AK4: variants seen among roughly 807,000 people sequenced by gnomAD.
The protein encoded by AK4 is adenylate kinase 4.
Under a neutral mutation model 24.6 loss-of-function variants are expected in AK4, and 13 were observed. The observed-to-expected ratio is 0.53, with a 90% CI of 0.34 to 0.84. The LOEUF is 0.84. Among genes scored for constraint, AK4 ranks in the 40% least tolerant of loss-of-function variants. The pLI, the probability that AK4 is intolerant of heterozygous loss-of-function variation, is 0.01. For synonymous variants in AK4, 88 were observed against 107.0 expected (o/e 0.82, Z 1.10); for missense variants, 192 against 288.2 (o/e 0.67, Z 2.42).
At chr1:65,151,916 A>G (rs1217716520) in intron 1 of AK4, among the ~76,000 whole-genome samples, 1 of 152,148 alleles carries the variant, frequency 6.6e-6, no homozygotes, top group African/African-American at 2.4e-5. Context: ...TCTTTAGCAC[A>G]CTGCAAGAGT....
At chr1:65,154,507 C>T in intron 1 of AK4, 1 of 526,184 alleles carries the variant, frequency 1.9e-6, no homozygotes, top group Non-Finnish European at 3.8e-6. Context: ...GTACTGGAGC[C>T]ACTGCTGAAA....
chr1:65,182,486 T>C (rs567615133), intron 1 of AK4, among the ~76,000 whole-genome samples: 1 of 152,164 alleles, frequency 6.6e-6, no homozygotes, highest in East Asian at 1.9e-4. Flanking sequence ...TGGCCCCACC[T>C]GCGTTACTTA....
chr1:65,188,420 G>A (rs1409116207), intron 1 of AK4, among the ~76,000 whole-genome samples: 1 of 151,826 alleles, frequency 6.6e-6, no homozygotes, highest in Non-Finnish European at 1.5e-5. Context: ...AAGAAAGTGG[G>A]GTCAAATGAT....
chr1:65,180,537 C>T (rs2101024700), intron 1 of AK4, among the ~76,000 whole-genome samples: 1 of 152,288 alleles, frequency 6.6e-6, no homozygotes, highest in Non-Finnish European at 1.5e-5. Context: ...TGATTTCTGC[C>T]TCTAAAGGAC....
chr1:65,224,139 GT>G (rs1195712651), intron 3 of AK4, among the ~76,000 whole-genome samples: 1 of 152,172 alleles, frequency 6.6e-6, no homozygotes, highest in African/African-American at 2.4e-5. Flanking sequence ...TACCTTTTGA[GT>G]AATATAATTT....
At chr1:65,155,552 A>T (rs997910225) in intron 1 of AK4, among the ~76,000 whole-genome samples, 7 of 152,238 alleles carry the variant, frequency 4.6e-5, no homozygotes, top group Non-Finnish European at 7.3e-5. Flanking sequence ...TTTTCTGATT[A>T]TAGAAATAAT....
intron 1 of AK4, among the ~76,000 whole-genome samples, chr1:65,172,124 C>G (rs1321166621): frequency 8.9e-6 from 1 of 112,786 alleles, no homozygotes; most frequent in Non-Finnish European, 2.1e-5. Context: ...TTACACTTCC[C>G]AAATATATAT....
At chr1:65,149,976 C>A (rs758465733) in intron 1 of AK4, among the ~76,000 whole-genome samples, 1 of 152,138 alleles carries the variant, frequency 6.6e-6, no homozygotes, top group Non-Finnish European at 1.5e-5. Flanking sequence ...TGGGCTTCTT[C>A]ATGGTAGGGG....
intron 2 of AK4, among the ~76,000 whole-genome samples, chr1:65,193,212 G>A (rs1651363983): frequency 6.6e-6 from 1 of 152,172 alleles, no homozygotes; most frequent in Admixed American, 6.5e-5. Flanking sequence ...ATGCTCTGTA[G>A]GTCTTGCATT....
intron 1 of AK4, among the ~76,000 whole-genome samples, chr1:65,171,879 C>T (rs968172310): frequency 6.6e-6 from 1 of 150,986 alleles, no homozygotes; most frequent in Non-Finnish European, 1.5e-5. Flanking sequence ...ACCAGCCTGG[C>T]CAGTATGGTG....
chr1:65,149,073 G>A (rs1225797726), intron 1 of AK4: 3 of 152,314 alleles, frequency 2.0e-5, no homozygotes, highest in African/African-American at 7.2e-5. Context: ...CCTCCACGCA[G>A]CCTCGGGCCT....
upstream of AK4, chr1:65,148,013 C>T (rs1649621034): frequency 5.8e-6 from 1 of 171,116 alleles, no homozygotes. Flanking sequence ...GCCCGGCCCC[C>T]TTCTCGGACG....
chr1:65,190,483 T>C (rs76765231), intron 1 of AK4, among the ~76,000 whole-genome samples: 3,485 of 151,698 alleles, frequency 0.023, 146 homozygotes, highest in African/African-American at 0.08. Context: ...GGTGCTATGC[T>C]ATCTCAAAGA....
upstream of AK4, chr1:65,147,672 GTTTA>G (rs1339157549): frequency 4.6e-5 from 7 of 152,142 alleles, no homozygotes; most frequent in Non-Finnish European, 7.3e-5. Flanking sequence ...CAAGGTGTGT[GTTTA>G]TTTGATTGCT....
intron 2 of AK4, among the ~76,000 whole-genome samples, chr1:65,196,480 G>A (rs567682079): frequency 5.3e-5 from 8 of 152,172 alleles, no homozygotes; most frequent in Non-Finnish European, 1.0e-4. Context: ...GTTTTGTTTT[G>A]TTAGAGATGG....
In AK4 at chr1:65,172,103, A is replaced by ATATATT. The variant is rs1553122938; in HGVS notation, c.146-18606_146-18605insATATTT. Among the ~76,000 whole-genome samples the ATATATT allele has an allele frequency of 8.7e-4, 100 of 115,500 alleles. 3 individuals carry two copies. The highest frequency in any genetic ancestry group is 3.6e-3 in the Admixed American group (40 of 11,050). The allele number at this position is 115,500 out of a possible 152,430, so 75.8% of individuals were successfully genotyped here. A position where few individuals can be genotyped will look rare whatever the true frequency, so the allele number is the denominator to read the frequency against. On this transcript the variant is annotated intron_variant, in intron 1 of 4. Coordinates refer to ENST00000327299, the MANE Select transcript of AK4 (RefSeq NM_013410.4). Reference sequence around the variant, plus strand: ...TATATATATATATATATATATATATATTTAAACTCATTACACTTCCCAAAT... The same window carrying ATATATT: ...TATATATATATATATATATATATATATATATTTTTAAACTCATTACACTTCCCAAAT...
At chr1:65,180,580 A>AT (rs1378346887) in intron 1 of AK4, among the ~76,000 whole-genome samples, 1 of 152,068 alleles carries the variant, frequency 6.6e-6, no homozygotes, top group Non-Finnish European at 1.5e-5. Flanking sequence ...AAGGTTTTTT[A>AT]TTTTTTAAAG....
chr1:65,154,841 T>C (rs1007068508), intron 1 of AK4, among the ~76,000 whole-genome samples: 1 of 146,492 alleles, frequency 6.8e-6, no homozygotes, highest in African/African-American at 2.7e-5. Context: ...AGAACTTAAA[T>C]CATAGGGAGA....
At chr1:65,153,032 C>A (rs776318814) in intron 1 of AK4, among the ~76,000 whole-genome samples, 4 of 152,230 alleles carry the variant, frequency 2.6e-5, no homozygotes, top group Non-Finnish European at 4.4e-5. Flanking sequence ...CATTTCCCCC[C>A]CTAGCTGGGT....
Sources: allele counts gnomAD v4.1 joint callset (sites outside exome capture counted in the v4.1 genomes callset), GRCh38; gene constraint gnomAD v4.1.1; transcripts MANE v1.5; gene names NCBI Gene and HGNC (gene_info 2026-07-23, HGNC 2026-07-21).